Variants in TEC observed in about 807,000 individuals in gnomAD.
TEC encodes the protein tec protein tyrosine kinase.
A neutral mutation model predicts 93.0 loss-of-function variants in TEC; 72 were observed. The observed-to-expected ratio is 0.77, with a 90% CI of 0.64 to 0.94. The LOEUF (loss-of-function observed/expected upper bound fraction) is 0.94, where lower values mean the gene tolerates loss of function less well. Ranked by LOEUF, TEC falls within the 40% of genes least tolerant of loss-of-function variation. The pLI is 0.00. For missense variants in TEC, 630 were observed against 757.9 expected, an observed-to-expected ratio of 0.83 and a Z score of 1.98; for synonymous variants, 249 against 247.7, an observed-to-expected ratio of 1.01 and a Z score of -0.05.
At chr4:48,219,760 T>C (rs1419956134) in intron 2 of TEC, among the ~76,000 whole-genome samples, 4 of 152,150 alleles carry the variant, frequency 2.6e-5, no homozygotes, top group Non-Finnish European at 5.9e-5. Context: ...TTGTCTTATA[T>C]GCAATAAATA....
At chr4:48,181,867 TGA>T in intron 2 of TEC, among the ~76,000 whole-genome samples, 1 of 152,120 alleles carries the variant, frequency 6.6e-6, no homozygotes, top group Non-Finnish European at 1.5e-5. Flanking sequence ...CTTTAGGAAA[TGA>T]TTTCTGAGCA....
At position 48,145,525 on chromosome 4, in the gene TEC, C is replaced by G; in HGVS notation, c.1136G>C (p.Gly379Ala). The G allele has an allele frequency of 6.2e-7, 1 of 1,614,142 alleles. No individual in the cohort carries two copies. Among genetic ancestry groups the G allele is most frequent in the Non-Finnish European group, 8.5e-7 (1 of 1,180,022 alleles). ...GCCAAGCCTCACCACTCCAAACAGT[C>G]CACTTCCCAATTCCCTCATAAAGGT... is the stretch of plus-strand genomic sequence containing the variant. ...ELTFMRELGS[G>A]LFGVVRLGKW... The change falls in exon 13 of 18, where the codon GGA becomes GCA. Residue 379 changes from glycine (G) to alanine (A), a missense_variant. Physicochemically the swap from Gly to Ala is moderately conservative, Grantham distance 60. Coordinates refer to ENST00000381501, the MANE Select transcript of TEC (RefSeq NM_003215.3).
intron 2 of TEC, among the ~76,000 whole-genome samples, chr4:48,180,038 T>C (rs1721521736): frequency 6.6e-6 from 1 of 152,172 alleles, no homozygotes; most frequent in African/African-American, 2.4e-5. Context: ...CAGATGTGGA[T>C]AAATAGATAT....
At chr4:48,234,524 C>T (rs749261527) in intron 1 of TEC, among the ~76,000 whole-genome samples, 2 of 152,084 alleles carry the variant, frequency 1.3e-5, no homozygotes, top group African/African-American at 2.4e-5. Flanking sequence ...GGAAACAAAA[C>T]TGAATGTATG....
At chr4:48,237,814 T>G (rs1723826756) in intron 1 of TEC, among the ~76,000 whole-genome samples, 1 of 152,216 alleles carries the variant, frequency 6.6e-6, no homozygotes, top group Non-Finnish European at 1.5e-5. Context: ...CATCACAGGT[T>G]TATGACAAAG....
At position 48,135,836 on chromosome 4, in the gene TEC, G is replaced by A; in HGVS notation, c.*1580C>T. On this transcript the variant is annotated 3_prime_UTR_variant, in exon 18 of 18. Coordinates refer to ENST00000381501, the MANE Select transcript of TEC (RefSeq NM_003215.3). ...TTCCATTATGAGGGGCACAGGAAAA[G>A]AATAAACACAGCCTTCAGTGGATGG... The A allele has an allele frequency of 6.6e-6, 1 of 152,268 alleles. No individual in the cohort carries two copies. Among genetic ancestry groups the A allele is most frequent in the South Asian group, 2.1e-4 (1 of 4,830 alleles). The allele number at this position is 152,268 out of a possible 1,614,324, so 9.4% of individuals were successfully genotyped here. A position where few individuals can be genotyped will look rare whatever the true frequency, so the allele number is the denominator to read the frequency against.
intron 2 of TEC, among the ~76,000 whole-genome samples, chr4:48,217,956 G>GAAAA (rs35176630): frequency 7.4e-6 from 1 of 134,406 alleles, no homozygotes; most frequent in African/African-American, 2.8e-5. Flanking sequence ...GCTTCCTAGA[G>GAAAA]AAAAAAAAAA....
At chr4:48,229,330 C>T (rs542254233) in intron 1 of TEC, among the ~76,000 whole-genome samples, 1 of 152,326 alleles carries the variant, frequency 6.6e-6, no homozygotes, top group African/African-American at 2.4e-5. Flanking sequence ...AAAGTCTCAG[C>T]CCTTTAACTC....
At chr4:48,259,878 C>T (rs190998416) in intron 1 of TEC, among the ~76,000 whole-genome samples, 1 of 152,214 alleles carries the variant, frequency 6.6e-6, no homozygotes, top group Admixed American at 6.5e-5. Flanking sequence ...AGAGAAATGG[C>T]ACAATGGATA....
chr4:48,200,886 T>C (rs1341647981), intron 2 of TEC, among the ~76,000 whole-genome samples: 1 of 152,226 alleles, frequency 6.6e-6, no homozygotes, highest in Non-Finnish European at 1.5e-5. Flanking sequence ...CTGGATTGTA[T>C]CCACCATAGC....
At chr4:48,182,458 A>G (rs1418833655) in intron 2 of TEC, among the ~76,000 whole-genome samples, 1 of 152,038 alleles carries the variant, frequency 6.6e-6, no homozygotes, top group African/African-American at 2.4e-5. Context: ...TGCCGAGCTA[A>G]GAAGACCACC....
At chr4:48,190,660 T>C (rs1396516811) in intron 2 of TEC, among the ~76,000 whole-genome samples, 2 of 152,166 alleles carry the variant, frequency 1.3e-5, no homozygotes, top group Non-Finnish European at 2.9e-5. Context: ...GGATCACAAC[T>C]GGATCCAGAG....
chr4:48,162,942 C>T (rs999827314), intron 8 of TEC, among the ~76,000 whole-genome samples: 1 of 152,146 alleles, frequency 6.6e-6, no homozygotes, highest in African/African-American at 2.4e-5. Context: ...GGAACCCTAA[C>T]AATGTTCACG....
chr4:48,153,208 C>G (rs746416656), intron 9 of TEC, among the ~76,000 whole-genome samples: 17 of 150,558 alleles, frequency 1.1e-4, no homozygotes, highest in Admixed American at 2.6e-4. Flanking sequence ...TTTAAAATAA[C>G]TAACTTCAAG....
chr4:48,249,682 C>T (rs544894603), intron 1 of TEC, among the ~76,000 whole-genome samples: 3 of 152,218 alleles, frequency 2.0e-5, no homozygotes, highest in Admixed American at 6.5e-5. Flanking sequence ...TTCTTGACTT[C>T]ATGATCTTTC....
intron 2 of TEC, among the ~76,000 whole-genome samples, chr4:48,198,542 T>G (rs2109591979): frequency 6.6e-6 from 1 of 152,356 alleles, no homozygotes; most frequent in South Asian, 2.1e-4. Flanking sequence ...ATCTTTACAA[T>G]TTACCAATTT....
At chr4:48,174,432 G>T (rs1721239129) in intron 3 of TEC, among the ~76,000 whole-genome samples, 1 of 152,144 alleles carries the variant, frequency 6.6e-6, no homozygotes, top group Non-Finnish European at 1.5e-5. Flanking sequence ...GCTGAGGCAG[G>T]CAGATCACTT....
chr4:48,154,586 A>C (rs1720318270), intron 9 of TEC, among the ~76,000 whole-genome samples: 1 of 152,202 alleles, frequency 6.6e-6, no homozygotes, highest in Non-Finnish European at 1.5e-5. Flanking sequence ...GTTTTTGCTT[A>C]AGAAAAAGTA....
intron 2 of TEC, among the ~76,000 whole-genome samples, chr4:48,216,594 G>A (rs1246405624): frequency 3.9e-5 from 6 of 152,028 alleles, no homozygotes; most frequent in Admixed American, 3.9e-4. Flanking sequence ...GGGGTGGGTA[G>A]AAACACTATG....
Sources: allele counts gnomAD v4.1 joint callset (sites outside exome capture counted in the v4.1 genomes callset), GRCh38; gene constraint gnomAD v4.1.1; transcripts MANE v1.5; gene names NCBI Gene and HGNC (gene_info 2026-07-23, HGNC 2026-07-21).